MAB21L3: variants seen among roughly 807,000 people sequenced by gnomAD.
The protein encoded by MAB21L3 is protein mab-21-like 3.
In MAB21L3, 36 loss-of-function variants were observed where a neutral mutation model predicts 37.7. The observed-to-expected ratio is 0.96, with a 90% confidence interval of 0.73 to 1.26. MAB21L3 has a LOEUF of 1.26. MAB21L3 is among the 50% of genes most tolerant of loss of function. The pLI is 0.00. For missense variants in MAB21L3, 430 were observed against 447.3 expected, an observed-to-expected ratio of 0.96 and a Z score of 0.35; for synonymous variants, 186 against 176.8, an observed-to-expected ratio of 1.05 and a Z score of -0.41.
At chr1:116,115,032 G>C (rs974570232) in intron 3 of MAB21L3, among the ~76,000 whole-genome samples, 4 of 152,190 alleles carry the variant, frequency 2.6e-5, no homozygotes, top group African/African-American at 9.7e-5. Context: ...ACAAATATGG[G>C]CTTTGGAAGG....
chr1:116,135,231 CA>C lies in MAB21L3; in HGVS notation c.*1868del, dbSNP rs1194155411. 2 of 150,822 alleles carry C rather than the reference CA, an allele frequency of 1.3e-5. No homozygotes were observed. Among genetic ancestry groups the C allele is most frequent in the South Asian group, 2.1e-4 (1 of 4,758 alleles). The allele number at this position is 150,822 out of a possible 1,614,324, so 9.3% of individuals were successfully genotyped here. ...ATCAACAAAATTGATAGACTGCTAG[CA>C]AGACTAATAAAGAAAAAAAGAGAGA... On this transcript the variant is annotated 3_prime_UTR_variant, in exon 8 of 8. Transcript: ENST00000369500.
rs112622351 is a variant in MAB21L3 at position 116,121,113 on chromosome 1, C to A, written c.189+41C>A. 19 of 1,591,232 alleles carry A rather than the reference C, an allele frequency of 1.2e-5. 1 individual carries two copies. The highest frequency in any genetic ancestry group is 2.7e-5 in the African/African-American group (2 of 74,488). Reference sequence around the variant, plus strand: ...TGTCTCTAAGTGCCACCAACAGAGCCAGGACACTTGGGCAGGTGAATCTCA... The same window carrying A: ...TGTCTCTAAGTGCCACCAACAGAGCAAGGACACTTGGGCAGGTGAATCTCA... On this transcript the variant is annotated intron_variant, in intron 4 of 7. Coordinates refer to ENST00000369500, the MANE Select transcript of MAB21L3 (RefSeq NM_152367.3).
At chr1:116,130,114 A>G (rs542645794) in intron 7 of MAB21L3, among the ~76,000 whole-genome samples, 73 of 152,318 alleles carry the variant, frequency 4.8e-4, no homozygotes, top group African/African-American at 1.7e-3. Flanking sequence ...CATAACCTTA[A>G]CGATTGACTT....
At chr1:116,112,200 A>C (rs1659440596) in intron 2 of MAB21L3, among the ~76,000 whole-genome samples, 1 of 152,092 alleles carries the variant, frequency 6.6e-6, no homozygotes, top group African/African-American at 2.4e-5. Context: ...TTGGGACAGG[A>C]GCATAAAAGG....
At chr1:116,115,722 C>T (rs143494212) in intron 3 of MAB21L3, among the ~76,000 whole-genome samples, 2 of 152,278 alleles carry the variant, frequency 1.3e-5, no homozygotes, top group East Asian at 3.9e-4. Flanking sequence ...AACCTTAAAT[C>T]CCCATAATTT....
rs1660225193 is a variant in MAB21L3 at position 116,137,846 on chromosome 1, C to G, written c.*4481C>G. On this transcript the variant is annotated 3_prime_UTR_variant, in exon 8 of 8. Coordinates refer to ENST00000369500, the MANE Select transcript of MAB21L3 (RefSeq NM_152367.3). ...TAGGGACATGGGTGAAATTGGAAATCATCATTCTCAGTAAACTATCGCAAG... is the reference window on the plus strand; with the variant it reads ...TAGGGACATGGGTGAAATTGGAAATGATCATTCTCAGTAAACTATCGCAAG... 6.6e-6 allele frequency among the ~76,000 whole-genome samples: 1 copy of G among 151,274 alleles called. No individual in the cohort carries two copies. Among genetic ancestry groups the G allele is most frequent in the Admixed American group, 6.6e-5 (1 of 15,210 alleles).
chr1:116,127,376 T>C, intron 5 of MAB21L3, 90 bp from the exon 6 acceptor site: 1 of 1,325,404 alleles, frequency 7.5e-7, no homozygotes, highest in Non-Finnish European at 1.1e-6. Flanking sequence ...AAGGTGCTGG[T>C]CAGAGCAACT....
chr1:116,128,240 T>C lies in MAB21L3; in HGVS notation c.756T>C (p.Asp252=). The C allele has an allele frequency of 6.2e-7, 1 of 1,614,104 alleles. No individual in the cohort carries two copies. The highest frequency in any genetic ancestry group is 1.7e-5 in the Admixed American group (1 of 60,014). ...TGTTACTGGAACAGCTGGATGAAGATGGGGGCTGCCGTAGGAAGTGTTTTC... is the reference window on the plus strand; with the variant it reads ...TGTTACTGGAACAGCTGGATGAAGACGGGGGCTGCCGTAGGAAGTGTTTTC... ...EQVLLEQLDE[D]GGCRRKCFQV... is the part of the protein sequence containing the mutation. Residue 252 remains aspartate (D), a synonymous_variant, in exon 7 of 8, where the codon GAT becomes GAC. Coordinates refer to ENST00000369500, the MANE Select transcript of MAB21L3 (RefSeq NM_152367.3).
chr1:116,112,643 G>A lies in MAB21L3; in HGVS notation c.28G>A (p.Glu10Lys). Residue 10 changes from glutamate (E) to lysine (K), a missense_variant, in exon 3 of 8, where the codon GAA becomes AAA. Physicochemically the swap from Glu to Lys is moderately conservative, Grantham distance 56. Transcript: ENST00000369500. ...GAAATACCTTACTGTGGGAGACTTA[G>A]AAGATTGCCTACTGAATAAGGTAAG... The part of the protein sequence containing the change: MKYLTVGDL[E>K]DCLLNKVDLR... The A allele has an allele frequency of 3.7e-6, 6 of 1,613,522 alleles. 1 individual carries two copies. The South Asian group carries it at 5.5e-5, about 15-fold the overall frequency.
intron 3 of MAB21L3, among the ~76,000 whole-genome samples, chr1:116,114,735 A>G (rs934967666): frequency 2.6e-5 from 4 of 152,232 alleles, no homozygotes; most frequent in African/African-American, 9.6e-5. Context: ...GAAGGAGGGA[A>G]TTTCACATGC....
At chr1:116,114,377 T>C (rs1659510730) in intron 3 of MAB21L3, among the ~76,000 whole-genome samples, 2 of 152,180 alleles carry the variant, frequency 1.3e-5, no homozygotes, top group African/African-American at 4.8e-5. Flanking sequence ...CAGGATCTCA[T>C]TTAACCTAAT....
intron 4 of MAB21L3, 178 bp from the exon 5 acceptor site, chr1:116,123,888 C>A (rs1659820193): frequency 3.4e-6 from 2 of 587,360 alleles, no homozygotes; most frequent in Non-Finnish European, 6.0e-6. Flanking sequence ...GATTCAGTAG[C>A]AGAACAAAGA....
chr1:116,114,179 A>G (rs962768179), intron 3 of MAB21L3, among the ~76,000 whole-genome samples: 1 of 152,142 alleles, frequency 6.6e-6, no homozygotes, highest in African/African-American at 2.4e-5. Flanking sequence ...CTTTTCTATT[A>G]TCATCTTGGT....
rs1168604848 is a variant in MAB21L3, at chr1:116,135,105, GA to G, written c.*1742del. The stretch of plus-strand genomic sequence containing the variant: ...GAGCAAACACATTCAAAAGCTAGCA[GA>G]AGGCAAGAAATAACTAAAATCAGAG... On this transcript the variant is annotated 3_prime_UTR_variant, in exon 8 of 8. Transcript: ENST00000369500. 6.6e-6 allele frequency: 1 copy of G among 151,988 alleles called. No individual in the cohort carries two copies. The highest frequency in any genetic ancestry group is 1.5e-5 in the Non-Finnish European group (1 of 68,002). 9.4% of individuals were successfully genotyped at this position (151,988 alleles called of 1,614,324 possible).
intron 7 of MAB21L3, among the ~76,000 whole-genome samples, chr1:116,132,479 A>C (rs775137766): frequency 6.6e-6 from 1 of 152,096 alleles, no homozygotes; most frequent in African/African-American, 2.4e-5. Flanking sequence ...AAAAGTGGAG[A>C]TCACTGGGCC....
At position 116,133,162 on chromosome 1, in the gene MAB21L3, C is replaced by A. The variant is rs1660118308; in HGVS notation, c.886C>A (p.Pro296Thr). The A allele has an allele frequency of 6.2e-7, 1 of 1,614,078 alleles. No individual in the cohort carries two copies. The highest frequency in any genetic ancestry group is 1.3e-5 in the African/African-American group (1 of 74,928). Residue 296 changes from proline to threonine, a missense_variant, in exon 8 of 8, where the codon CCC becomes ACC. Physicochemically the swap from Pro to Thr is conservative, Grantham distance 38. Transcript: ENST00000369500. Reference sequence around the variant, plus strand: ...GCTCTTTTGGACCTGCGAGAAATATCCCCACTTTAAAGACTGGCAGGTCTT... The same window carrying A: ...GCTCTTTTGGACCTGCGAGAAATATACCCACTTTAAAGACTGGCAGGTCTT... ...TVLFWTCEKY[P>T]HFKDWQVFSK...
chr1:116,115,327 A>G (rs553575996), intron 3 of MAB21L3, among the ~76,000 whole-genome samples: 147 of 152,320 alleles, frequency 9.7e-4, no homozygotes, highest in African/African-American at 3.3e-3. Context: ...GAATTAGTCT[A>G]CAAAGGAAGG....
rs1001013481 is a variant in MAB21L3 at position 116,136,776 on chromosome 1, G to C, written c.*3411G>C. ...AGCATGGTACTGGTACCAAAACAGG[G>C]ATATAGATCAATGGAACAGAACAGA... On this transcript the variant is annotated 3_prime_UTR_variant, in exon 8 of 8. Transcript: ENST00000369500. 6.6e-6 allele frequency among the ~76,000 whole-genome samples: 1 copy of C among 151,478 alleles called. No homozygotes were observed.
intron 3 of MAB21L3, among the ~76,000 whole-genome samples, chr1:116,119,730 A>G (rs1485585278): frequency 6.6e-6 from 1 of 151,986 alleles, no homozygotes; most frequent in Non-Finnish European, 1.5e-5. Flanking sequence ...TTCAGAAAAA[A>G]CTTGCAGACC....
Sources: gnomAD v4.1 joint callset for allele counts (sites outside exome capture counted in the v4.1 genomes callset) on GRCh38, gnomAD v4.1.1 for gene constraint, MANE v1.5 for transcripts, NCBI Gene and HGNC (gene_info 2026-07-23, HGNC 2026-07-21) for gene names.